The following MDGA1 variants were observed in gnomAD, a reference collection of about 807,000 sequenced individuals.
The protein encoded by MDGA1 is MAM domain containing glycosylphosphatidylinositol anchor 1, also known as MAM domain-containing glycosylphosphatidylinositol anchor protein 1.
In MDGA1, 54 loss-of-function variants were observed where a neutral mutation model predicts 101.5. That is an observed-to-expected ratio of 0.53 (90% confidence interval 0.43 to 0.67). MDGA1 has a LOEUF of 0.67. Ranked by LOEUF, MDGA1 falls within the 30% of genes least tolerant of loss-of-function variation. The probability of loss-of-function intolerance (pLI) is 0.00; values close to 1 mark genes in which losing one functional copy is unlikely to be tolerated. For synonymous variants in MDGA1, 533 were observed against 558.3 expected (o/e 0.95, Z 0.64); for missense variants, 1,083 against 1,323.8 (o/e 0.82, Z 2.82).
At position 37,696,667 on chromosome 6, in the gene MDGA1, C is replaced by G; in HGVS notation, c.67+78G>C. On this transcript the variant is annotated intron_variant, in intron 1 of 16. Coordinates refer to ENST00000434837, the MANE Select transcript of MDGA1 (RefSeq NM_153487.4). This position sits in a 1 kb window ranked among gnomAD's most constrained non-coding sequence, Gnocchi z 5.6. ...CCGAGTCGAGGTCTCCACCAAACCCCGGCAGCGCGCACTTTGCGCCTCTTG... is the reference window on the plus strand; with the variant it reads ...CCGAGTCGAGGTCTCCACCAAACCCGGGCAGCGCGCACTTTGCGCCTCTTG... 12 of 1,404,984 alleles carry G rather than the reference C, an allele frequency of 8.5e-6. No homozygotes were observed. The highest frequency in any genetic ancestry group is 1.2e-5 in the Non-Finnish European group (12 of 1,014,142). The allele number at this position is 1,404,984 out of a possible 1,614,324, so 87.0% of individuals were successfully genotyped here.
Position 37,664,842 on chromosome 6 carries a change from GACACACACACACACAC to G in MDGA1, c.68-752_68-737del, listed in dbSNP as rs35594367. Among the ~76,000 whole-genome samples the G allele has an allele frequency of 4.4e-3, 241 of 55,258 alleles. 1 individual carries two copies. Among genetic ancestry groups the G allele is most frequent in the Middle Eastern group, 0.028 (3 of 106 alleles). The allele number at this position is 55,258 out of a possible 152,430, so 36.3% of individuals were successfully genotyped here. On this transcript the variant is annotated intron_variant, in intron 1 of 16. Transcript: ENST00000434837. ...TTTGCTTTTAGAGAGCCTAACCTAA[GACACACACACACACAC>G]ACACACACACACACACACACACACA... is the stretch of plus-strand genomic sequence containing the variant.
chr6:37,672,504 T>C (rs959581230), intron 1 of MDGA1, among the ~76,000 whole-genome samples: 1 of 152,154 alleles, frequency 6.6e-6, no homozygotes, highest in African/African-American at 2.4e-5. Flanking sequence ...TTCTGGCTCC[T>C]TCAGGGAAAG....
intron 1 of MDGA1, among the ~76,000 whole-genome samples, chr6:37,676,559 G>A (rs1761983147): frequency 6.6e-6 from 1 of 152,226 alleles, no homozygotes; most frequent in Non-Finnish European, 1.5e-5. Context: ...AAGCATGGAT[G>A]GAGGTAGGTG....
In MDGA1 at chr6:37,635,200, A is replaced by C; in HGVS notation, c.*2168T>G. 2.8e-6 allele frequency: 1 copy of C among 355,666 alleles called. No homozygotes were observed. The highest frequency in any genetic ancestry group is 5.0e-6 in the Non-Finnish European group (1 of 199,000). The allele number at this position is 355,666 out of a possible 1,614,324, so 22.0% of individuals were successfully genotyped here. On this transcript the variant is annotated 3_prime_UTR_variant, in exon 17 of 17. Transcript: ENST00000434837. The stretch of plus-strand genomic sequence containing the variant: ...ACCAAGCAGCAATACTTTTTAAAGG[A>C]CTCTGGTGGTTCTATTCTGCAGGCA...
chr6:37,679,660 G>T (rs1038635827), intron 1 of MDGA1, among the ~76,000 whole-genome samples: 2 of 152,148 alleles, frequency 1.3e-5, no homozygotes, highest in South Asian at 4.1e-4. Context: ...GCAGCTTCCT[G>T]AGCCAGGCCT....
chr6:37,669,311 T>C (rs891949602), intron 1 of MDGA1, among the ~76,000 whole-genome samples: 6 of 152,232 alleles, frequency 3.9e-5, no homozygotes, highest in African/African-American at 7.2e-5. Context: ...CCTCAGTTTT[T>C]AGAAAACAGC....
chr6:37,637,234 G>A lies in MDGA1; in HGVS notation c.*134C>T, dbSNP rs41273092. On this transcript the variant is annotated 3_prime_UTR_variant, in exon 17 of 17. Coordinates refer to ENST00000434837, the MANE Select transcript of MDGA1 (RefSeq NM_153487.4). Reference sequence around the variant, plus strand: ...TCCTTGTTCTCTGCTCATCCTTGCAGCCAATGCAGGCCCCCTCCCTGGCGG... The same window carrying A: ...TCCTTGTTCTCTGCTCATCCTTGCAACCAATGCAGGCCCCCTCCCTGGCGG... 268 of 653,348 alleles carry A rather than the reference G, an allele frequency of 4.1e-4. No homozygotes were observed. The highest frequency in any genetic ancestry group is 6.5e-4 in the Non-Finnish European group (240 of 368,606). The allele number at this position is 653,348 out of a possible 1,614,324, so 40.5% of individuals were successfully genotyped here. A position where few individuals can be genotyped will look rare whatever the true frequency, so the allele number is the denominator to read the frequency against.
intron 1 of MDGA1, among the ~76,000 whole-genome samples, chr6:37,672,250 A>G (rs1761885653): frequency 6.6e-6 from 1 of 152,102 alleles, no homozygotes; most frequent in African/African-American, 2.4e-5. Context: ...TAGGGGTTCA[A>G]GACCAGCCTG....
At position 37,633,192 on chromosome 6, in the gene MDGA1, CACACACACACAA is replaced by C. The variant is rs1763857177; in HGVS notation, c.*4164_*4175del. 1 of 152,220 alleles carries C rather than the reference CACACACACACAA, an allele frequency of 6.6e-6. No individual in the cohort carries two copies. Among genetic ancestry groups the C allele is most frequent in the Non-Finnish European group, 1.5e-5 (1 of 68,188 alleles). The allele number at this position is 152,220 out of a possible 1,614,324, so 9.4% of individuals were successfully genotyped here. On this transcript the variant is annotated 3_prime_UTR_variant, in exon 17 of 17. Transcript: ENST00000434837. ...TGGTCCTTCTGCCCCAACACACACACACACACACACAAACACACGCACACTCCACACATCACA... is the reference window on the plus strand; with the variant it reads ...TGGTCCTTCTGCCCCAACACACACACACACACGCACACTCCACACATCACA...
At position 37,655,749 on chromosome 6, in the gene MDGA1, G is replaced by T; in HGVS notation, c.530C>A (p.Ser177Tyr). 1 of 1,613,292 alleles carries T rather than the reference G, an allele frequency of 6.2e-7. No individual in the cohort carries two copies. The highest frequency in any genetic ancestry group is 8.5e-7 in the Non-Finnish European group (1 of 1,179,614). The part of the protein sequence containing the change: ...FIWKRGSDTL[S>Y]HSQDNGVDIY... ...GTCAACCCCATTGTCCTGGCTGTGG[G>T]ATAGGGTATCGGAACCCCGCTTCCA... Residue 177 changes from serine (S) to tyrosine (Y), a missense_variant, in exon 4 of 17, where the codon TCC becomes TAC. Ser to Tyr is a moderately radical substitution (Grantham distance 144, BLOSUM62 -2). This residue lies in a region of MDGA1 where 310 missense variants were observed against 355.9 expected (regional missense o/e 0.87). Coordinates refer to ENST00000434837, the MANE Select transcript of MDGA1 (RefSeq NM_153487.4). The surrounding 1 kb of genome is among the most constrained non-coding windows in gnomAD (Gnocchi z 5.1).
intron 1 of MDGA1, among the ~76,000 whole-genome samples, chr6:37,690,573 T>C (rs985415281): frequency 6.6e-6 from 1 of 152,090 alleles, no homozygotes; most frequent in African/African-American, 2.4e-5. Flanking sequence ...GGTCAGGAGA[T>C]TGAGACCATC....
At chr6:37,664,958 G>C (rs1761714902) in intron 1 of MDGA1, among the ~76,000 whole-genome samples, 1 of 118,286 alleles carries the variant, frequency 8.5e-6, no homozygotes. Flanking sequence ...ATTGCTCTCT[G>C]AGCCTGTGTC....
At chr6:37,644,759 C>T (rs1764186761) in intron 12 of MDGA1, 110 bp from the exon 13 acceptor site, 1 of 1,179,244 alleles carries the variant, frequency 8.5e-7, no homozygotes, top group Middle Eastern at 2.2e-4. Context: ...AAGCAAGGCA[C>T]CCAGGATTCC....
At chr6:37,651,310 C>G (rs1211137688) in intron 7 of MDGA1, among the ~76,000 whole-genome samples, 3 of 152,200 alleles carry the variant, frequency 2.0e-5, no homozygotes, top group African/African-American at 7.2e-5. Flanking sequence ...TTGAAGACTT[C>G]CATGAGTCCC....
Position 37,647,215 on chromosome 6 carries a change from G to A in MDGA1, c.2004C>T (p.Asp668=), listed in dbSNP as rs748350845. 17 of 1,595,678 alleles carry A rather than the reference G, an allele frequency of 1.1e-5. No homozygotes were observed. The highest frequency in any genetic ancestry group is 1.6e-4 in the Middle Eastern group (1 of 6,064). ...TGTAGTTGAGCACAGGGTCGACAGC[G>A]TCGGGCTCCCTCTGAGTCCACTGCA... ...YVLQWTQREP[D]AVDPVLNYRL... is the part of the protein sequence containing the mutation. The change falls in exon 10 of 17, where the codon GAC becomes GAT. Residue 668 remains aspartate, a synonymous_variant. Transcript: ENST00000434837.
In MDGA1 at chr6:37,631,364, C is replaced by A. The variant is rs1050739305; in HGVS notation, c.*6004G>T. On this transcript the variant is annotated 3_prime_UTR_variant, in exon 17 of 17. Coordinates refer to ENST00000434837, the MANE Select transcript of MDGA1 (RefSeq NM_153487.4). The stretch of plus-strand genomic sequence containing the variant: ...CTACAGCAGTGGTGAGTCCCTTAGA[C>A]CCTTCCTCTTCCATTAGAAAAGAAA... 7 of 152,204 alleles carry A rather than the reference C, an allele frequency of 4.6e-5. No individual in the cohort carries two copies. Among genetic ancestry groups the A allele is most frequent in the Non-Finnish European group, 1.0e-4 (7 of 68,048 alleles). The allele number at this position is 152,204 out of a possible 1,614,324, so 9.4% of individuals were successfully genotyped here.
At chr6:37,666,008 C>A (rs1479613067) in intron 1 of MDGA1, among the ~76,000 whole-genome samples, 1 of 152,106 alleles carries the variant, frequency 6.6e-6, no homozygotes, top group African/African-American at 2.4e-5. Flanking sequence ...CTACACTTCC[C>A]AGCCTATTAG....
At chr6:37,692,486 C>T (rs1762331810) in intron 1 of MDGA1, among the ~76,000 whole-genome samples, 1 of 151,866 alleles carries the variant, frequency 6.6e-6, no homozygotes, top group Non-Finnish European at 1.5e-5. Flanking sequence ...GTGGGGGTGT[C>T]TTCCACATTC....
At chr6:37,650,438 G>T in intron 7 of MDGA1, 33 bp from the exon 8 acceptor site, 2 of 1,484,440 alleles carry the variant, frequency 1.3e-6, no homozygotes, top group Non-Finnish European at 1.8e-6. Flanking sequence ...CGGAGAGGTA[G>T]GAGCGGAGTT....
Sources: allele counts gnomAD v4.1 joint callset (sites outside exome capture counted in the v4.1 genomes callset), GRCh38; gene constraint gnomAD v4.1.1; regional missense constraint gnomAD v4.1.1; non-coding constraint Gnocchi (gnomAD v3.1); transcripts MANE v1.5; gene names NCBI Gene and HGNC (gene_info 2026-07-23, HGNC 2026-07-21).